CEP250: variants seen among roughly 807,000 people sequenced by gnomAD.
CEP250 encodes centrosomal protein 250, also known as centrosome-associated protein CEP250.
CEP250 carries 242 observed loss-of-function variants against 315.7 expected under a neutral mutation model. The ratio of observed to expected loss-of-function variants is 0.77; its 90% CI spans 0.69 to 0.85. The LOEUF (loss-of-function observed/expected upper bound fraction) is 0.85. Among genes scored for constraint, CEP250 ranks in the 40% least tolerant of loss-of-function variants. CEP250 has a pLI of 0.00. For synonymous variants in CEP250, 1,088 were observed against 1,175.0 expected (o/e 0.93, Z 1.51); for missense variants, 2,515 against 2,886.4 (o/e 0.87, Z 2.95).
intron 17 of CEP250, 68 bp from the exon 18 acceptor site, chr20:35,479,157 GACCCTA>G: frequency 7.0e-7 from 1 of 1,433,490 alleles, no homozygotes; most frequent in East Asian, 2.3e-5. Flanking sequence ...AAGAGGCAAT[GACCCTA>G]ACCTGGTGGT....
rs538827494 is a variant in CEP250 at position 35,485,822 on chromosome 20, G to GT, written c.2587-4795dup. On this transcript the variant is annotated intron_variant, in intron 20 of 34. Transcript: ENST00000397527. The stretch of plus-strand genomic sequence containing the variant: ...GGCATGAACCACCATGCCTGGCTAA[G>GT]TTTTTTTTTTTTTTTTTTTTATAGA... Among the ~76,000 whole-genome samples, 720 of 115,374 alleles carry GT rather than the reference G, an allele frequency of 6.2e-3. 9 individuals are homozygous for GT. Among genetic ancestry groups the GT allele is most frequent in the African/African-American group, 0.018 (515 of 28,854 alleles). 75.7% of individuals were successfully genotyped at this position (115,374 alleles called of 152,430 possible).
At chr20:35,466,926 C>A in intron 7 of CEP250, 40 bp from the exon 8 acceptor site, 1 of 1,299,436 alleles carries the variant, frequency 7.7e-7, no homozygotes, top group Non-Finnish European at 1.1e-6. Flanking sequence ...AAAAGATAGC[C>A]CTCTGCCTTT....
chr20:35,503,796 G>A lies in CEP250; in HGVS notation c.5427G>A (p.Gln1809=), dbSNP rs2064093965. The part of the protein sequence containing the change: ...QSLQSQLDEA[Q]RALAQRDQEL... Reference sequence around the variant, plus strand: ...TTCAGAGTCAACTGGATGAGGCCCAGAGAGCCCTAGCCCAGAGGGACCAGG... The same window carrying A: ...TTCAGAGTCAACTGGATGAGGCCCAAAGAGCCCTAGCCCAGAGGGACCAGG... The change falls in exon 30 of 35, where the codon CAG becomes CAA. Residue 1809 remains glutamine, a synonymous_variant. Coordinates refer to ENST00000397527, the MANE Select transcript of CEP250 (RefSeq NM_007186.6). The surrounding 1 kb of genome is among the most constrained non-coding windows in gnomAD (Gnocchi z 4.2). The A allele has an allele frequency of 1.2e-6, 2 of 1,613,822 alleles. No individual in the cohort carries two copies. The highest frequency in any genetic ancestry group is 2.2e-5 in the East Asian group (1 of 44,884).
chr20:35,469,307 T>C (rs2062967381), intron 9 of CEP250, among the ~76,000 whole-genome samples: 1 of 151,800 alleles, frequency 6.6e-6, no homozygotes, highest in Non-Finnish European at 1.5e-5. Context: ...AAAAAAAAAA[T>C]TGGAAAAAAA....
chr20:35,498,860 A>C, intron 27 of CEP250, 144 bp downstream of exon 27: 3 of 953,784 alleles, frequency 3.1e-6, no homozygotes, highest in Non-Finnish European at 4.5e-6. Context: ...CCTGGCAACC[A>C]CAAATGAAGC....
chr20:35,472,246 A>G, intron 11 of CEP250, 95 bp downstream of exon 11: 1 of 776,580 alleles, frequency 1.3e-6, no homozygotes. Flanking sequence ...CCAGTCTCTG[A>G]GGTTCGGGTG....
intron 20 of CEP250, among the ~76,000 whole-genome samples, chr20:35,481,518 AT>A (rs377397812): frequency 6.6e-6 from 1 of 151,828 alleles, no homozygotes; most frequent in African/African-American, 2.4e-5. Context: ...ACAAATTATG[AT>A]TTTTTTATTG....
rs782622070 is a variant in CEP250 at position 35,485,645 on chromosome 20, CTTTTTTTTTTTTTTT to C, written c.2587-4975_2587-4961del. 6.1e-3 allele frequency among the ~76,000 whole-genome samples: 207 copies of C among 33,820 alleles called. 1 individual carries two copies. The highest frequency in any genetic ancestry group is 9.2e-3 in the Non-Finnish European group (177 of 19,266). The allele number at this position is 33,820 out of a possible 152,430, so 22.2% of individuals were successfully genotyped here. ...AGCTAGGACTACAGCGTCTGCCTGG[CTTTTTTTTTTTTTTT>C]TTTTTTTTTTTTTTTTGAGACAGGG... On this transcript the variant is annotated intron_variant, in intron 20 of 34. Coordinates refer to ENST00000397527, the MANE Select transcript of CEP250 (RefSeq NM_007186.6).
chr20:35,474,028 T>C lies in CEP250; in HGVS notation c.1547T>C (p.Leu516Pro). 6.3e-7 allele frequency: 1 copy of C among 1,583,754 alleles called. No individual in the cohort carries two copies. ...QKEEQQEELH[L>P]AVRERERLQE... The stretch of plus-strand genomic sequence containing the variant: ...GAGGAACAGCAGGAGGAGCTGCACC[T>C]GGCTGTCCGGGAGAGGGAGCGTCTG... The change falls in exon 14 of 35, where the codon CTG becomes CCG. Residue 516 changes from leucine (L) to proline (P), a missense_variant. Physicochemically the swap from Leu to Pro is moderately conservative, Grantham distance 98. Transcript: ENST00000397527.
chr20:35,471,558 C>T (rs562902926), intron 10 of CEP250, among the ~76,000 whole-genome samples: 4 of 152,332 alleles, frequency 2.6e-5, no homozygotes, highest in African/African-American at 9.6e-5. Context: ...CTTGAGTCTT[C>T]AAGATTATGT....
intron 32 of CEP250, 137 bp downstream of exon 32, chr20:35,508,327 T>C (rs1043663815): frequency 7.1e-5 from 69 of 965,088 alleles, no homozygotes; most frequent in Non-Finnish European, 9.5e-5. Context: ...GTTTTTTTTT[T>C]TCCCGAGACA....
chr20:35,498,479 A>C (rs1245620130), intron 26 of CEP250, 116 bp from the exon 27 acceptor site: 2 of 1,259,634 alleles, frequency 1.6e-6, no homozygotes, highest in Non-Finnish European at 2.2e-6. Flanking sequence ...CTGCTGAGAA[A>C]GGGGTTCTTT....
At chr20:35,493,680 G>T (rs1022100156) in intron 23 of CEP250, 108 bp downstream of exon 23, 5 of 1,115,776 alleles carry the variant, frequency 4.5e-6, no homozygotes, top group Admixed American at 3.5e-5. Context: ...GCCTGGTTTG[G>T]GAGGGTAGAT....
intron 9 of CEP250, among the ~76,000 whole-genome samples, chr20:35,467,856 G>A: frequency 6.6e-6 from 1 of 150,636 alleles, no homozygotes. Context: ...CCCCCTCCCT[G>A]TCTTTGTACC....
chr20:35,479,811 T>C, intron 19 of CEP250, 38 bp downstream of exon 19: 1 of 1,613,050 alleles, frequency 6.2e-7, no homozygotes, highest in Non-Finnish European at 8.5e-7. Flanking sequence ...CTCCATTCCA[T>C]GGAGATGTTG....
At position 35,502,869 on chromosome 20, in the gene CEP250, GC is replaced by G. The variant is rs2064054046; in HGVS notation, c.4501del (p.Gln1501ArgfsTer3). 6.2e-7 allele frequency: 1 copy of G among 1,614,140 alleles called. No homozygotes were observed. The highest frequency in any genetic ancestry group is 1.3e-5 in the African/African-American group (1 of 74,952). The stretch of plus-strand genomic sequence containing the variant: ...TGCCCATGGCCGTCCAGGAGCGAGA[GC>G]AGAAGCTGACTGTGCAGAGGGAGCA... ...HLPMAVQERE[Q>X]KLTVQREQIR... On this transcript the variant is annotated frameshift_variant, in exon 30 of 35. Transcript: ENST00000397527. LOFTEE classifies it high-confidence loss of function.
chr20:35,504,729 C>A lies in CEP250; in HGVS notation c.6360C>A (p.Asn2120Lys). ...AGCTGAGGGAGACCCAGCAAAGGAACAACCTGGAAGCCTTACCCCACAGCC... is the reference window on the plus strand; with the variant it reads ...AGCTGAGGGAGACCCAGCAAAGGAAAAACCTGGAAGCCTTACCCCACAGCC... ...ILELRETQQR[N>K]NLEALPHSHK... is the part of the protein sequence containing the mutation. Residue 2120 changes from asparagine (N) to lysine (K), a missense_variant, in exon 30 of 35, where the codon AAC becomes AAA. Physicochemically the swap from Asn to Lys is moderately conservative, Grantham distance 94. Coordinates refer to ENST00000397527, the MANE Select transcript of CEP250 (RefSeq NM_007186.6). 6.2e-7 allele frequency: 1 copy of A among 1,614,210 alleles called. No homozygotes were observed. Among genetic ancestry groups the A allele is most frequent in the Non-Finnish European group, 8.5e-7 (1 of 1,180,038 alleles).
chr20:35,501,291 T>C (rs987300073), intron 28 of CEP250, among the ~76,000 whole-genome samples: 1 of 152,016 alleles, frequency 6.6e-6, no homozygotes, highest in African/African-American at 2.4e-5. Flanking sequence ...GAGCCGAGAT[T>C]GTGCCACTGC....
intron 2 of CEP250, among the ~76,000 whole-genome samples, chr20:35,459,236 T>TC (rs2062701204): frequency 1.5e-5 from 1 of 68,336 alleles, no homozygotes; most frequent in African/African-American, 1.1e-4. Context: ...ATGAGGGGGG[T>TC]GGACTAAATT....
Sources: gnomAD v4.1 joint callset for allele counts (sites outside exome capture counted in the v4.1 genomes callset) on GRCh38, gnomAD v4.1.1 for gene constraint, Gnocchi (gnomAD v3.1) non-coding constraint, MANE v1.5 for transcripts, NCBI Gene and HGNC (gene_info 2026-07-23, HGNC 2026-07-21) for gene names.